Variants in BIN1 observed in about 807,000 individuals in gnomAD.
The protein encoded by BIN1 is myc box-dependent-interacting protein 1.
Under a neutral mutation model 82.0 loss-of-function variants are expected in BIN1, and 53 were observed. That is an observed-to-expected ratio of 0.65 (90% confidence interval 0.52 to 0.81). The LOEUF (loss-of-function observed/expected upper bound fraction) is 0.81. BIN1 is among the 40% of genes least tolerant of loss of function. The pLI is 0.00. For missense variants in BIN1, 642 were observed against 784.4 expected, an observed-to-expected ratio of 0.82 and a Z score of 2.17; for synonymous variants, 302 against 328.0, an observed-to-expected ratio of 0.92 and a Z score of 0.86.
intron 1 of BIN1, among the ~76,000 whole-genome samples, chr2:127,097,217 CA>C (rs1679714978): frequency 6.6e-6 from 1 of 152,220 alleles, no homozygotes; most frequent in African/African-American, 2.4e-5. Context: ...GCCGTGCATA[CA>C]GGGGCGCCCT....
chr2:127,060,551 A>G, intron 10 of BIN1: 1 of 1,613,042 alleles, frequency 6.2e-7, no homozygotes, highest in Non-Finnish European at 8.5e-7. Context: ...AGGGCCAGCC[A>G]GGGCGCGGGC....
intron 2 of BIN1, among the ~76,000 whole-genome samples, chr2:127,073,143 G>A (rs563634604): frequency 2.6e-5 from 4 of 152,222 alleles, no homozygotes; most frequent in Non-Finnish European, 4.4e-5. Flanking sequence ...CACGTGGCAC[G>A]CAGATGTGCA....
At chr2:127,053,398 A>G in intron 14 of BIN1, 24 bp downstream of exon 14, 1 of 1,613,792 alleles carries the variant, frequency 6.2e-7, no homozygotes, top group African/African-American at 1.3e-5. Flanking sequence ...CAGGGGCTGG[A>G]CAAAGAGCAG....
chr2:127,053,756 CAGG>C lies in BIN1; in HGVS notation c.1239+146_1239+148del, dbSNP rs1332352046. The C allele has an allele frequency of 5.0e-6, 4 of 796,744 alleles. No homozygotes were observed. The Admixed American group carries it at 8.7e-5, about 17-fold the overall frequency. 49.4% of individuals were successfully genotyped at this position (796,744 alleles called of 1,614,324 possible). A position where few individuals can be genotyped will look rare whatever the true frequency, so the allele number is the denominator to read the frequency against. Reference sequence around the variant, plus strand: ...CAGGGGCTGCTTCCTGCCCTACAACCAGGAGGTGATGAGGGCTGAAGGCTGAGG... The same window carrying C: ...CAGGGGCTGCTTCCTGCCCTACAACCAGGTGATGAGGGCTGAAGGCTGAGG... On this transcript the variant is annotated intron_variant, in intron 13 of 18. Coordinates refer to ENST00000316724, the MANE Select transcript of BIN1 (RefSeq NM_139343.3).
chr2:127,070,555 C>A lies in BIN1; in HGVS notation c.313G>T (p.Glu105Ter). The stretch of plus-strand genomic sequence containing the variant: ...AGGCCCACCTGTCCCATGCTCACCT[C>A]TGCGATCTTGTTTGCCTCATCCCTG... ...PGRDEANKIA[E>*]NNDLLWMDYH... The change falls in exon 4 of 19, where the codon GAG becomes TAG. Residue 105 changes from glutamate (E) to a stop codon, truncating the protein, a stop_gained and splice_region_variant. Transcript: ENST00000316724. LOFTEE classifies it high-confidence loss of function. The A allele has an allele frequency of 1.2e-6, 2 of 1,614,082 alleles. No individual in the cohort carries two copies. The highest frequency in any genetic ancestry group is 1.7e-6 in the Non-Finnish European group (2 of 1,180,014).
chr2:127,075,129 G>A (rs977530099), intron 2 of BIN1, among the ~76,000 whole-genome samples: 2 of 152,230 alleles, frequency 1.3e-5, no homozygotes, highest in African/African-American at 4.8e-5. Flanking sequence ...AGGCCACAGA[G>A]CCTGGATTTC....
chr2:127,060,696 A>AACTGGC, intron 10 of BIN1: 2 of 1,606,710 alleles, frequency 1.2e-6, no homozygotes, highest in Non-Finnish European at 1.7e-6. Context: ...CCAGGTGCAG[A>AACTGGC]ACTGGCCTGT....
chr2:127,093,203 C>T lies in BIN1; in HGVS notation c.84+13657G>A, dbSNP rs1679165052. Among the ~76,000 whole-genome samples, 1 of 152,140 alleles carries T rather than the reference C, an allele frequency of 6.6e-6. No homozygotes were observed. The highest frequency in any genetic ancestry group is 6.5e-5 in the Admixed American group (1 of 15,286). ...TGTCGGGGCTCAGAACACAGCACCC[C>T]AAAGTGTGGTGCTGTGGCTCACTGC... is the stretch of plus-strand genomic sequence containing the variant. On this transcript the variant is annotated intron_variant, in intron 1 of 18. Transcript: ENST00000316724. This position sits in a 1 kb window ranked among gnomAD's most constrained non-coding sequence, Gnocchi z 5.7.
intron 2 of BIN1, among the ~76,000 whole-genome samples, chr2:127,074,061 G>T (rs1338227520): frequency 2.0e-5 from 3 of 152,046 alleles, no homozygotes; most frequent in African/African-American, 4.8e-5. Context: ...GGGGTGGGAG[G>T]TTCACTTCTT....
At position 127,068,856 on chromosome 2, in the gene BIN1, G is replaced by T; in HGVS notation, c.519+68C>A. On this transcript the variant is annotated intron_variant, in intron 6 of 18. Transcript: ENST00000316724. The surrounding 1 kb of genome is among the most constrained non-coding windows in gnomAD (Gnocchi z 4.9). ...CAGGCAGGAGGAAGCCTCCACCCTC[G>T]GGGTCCTAGACACCCGCCCTCTCTC... 1 of 1,451,994 alleles carries T rather than the reference G, an allele frequency of 6.9e-7. No homozygotes were observed. The highest frequency in any genetic ancestry group is 9.7e-7 in the Non-Finnish European group (1 of 1,036,024). The allele number at this position is 1,451,994 out of a possible 1,614,324, so 89.9% of individuals were successfully genotyped here.
chr2:127,075,646 C>T (rs578179420), intron 2 of BIN1, among the ~76,000 whole-genome samples: 1 of 152,302 alleles, frequency 6.6e-6, no homozygotes, highest in Non-Finnish European at 1.5e-5. Context: ...GGCCTCTCCC[C>T]TCTGCTCCCA....
chr2:127,058,371 G>A (rs72846613), intron 11 of BIN1, among the ~76,000 whole-genome samples: 7 of 152,290 alleles, frequency 4.6e-5, no homozygotes, highest in Non-Finnish European at 1.0e-4. Flanking sequence ...AGAGCAGGGC[G>A]GCAGCAGAAA....
chr2:127,088,741 A>C (rs1558869625), intron 1 of BIN1, among the ~76,000 whole-genome samples: 2 of 123,978 alleles, frequency 1.6e-5, no homozygotes, highest in Non-Finnish European at 3.3e-5. Context: ...CGTATCTCTT[A>C]AAAAAAAAAA....
rs1261397639 is a variant in BIN1, at chr2:127,093,601, G to A, written c.84+13259C>T. Among the ~76,000 whole-genome samples, 2 of 152,154 alleles carry A rather than the reference G, an allele frequency of 1.3e-5. No homozygotes were observed. The highest frequency in any genetic ancestry group is 2.9e-5 in the Non-Finnish European group (2 of 68,030). ...CCGTTGTCCCATCATATGTCTACACGGCTGTCCATTCCTCACCAACTTATG... is the reference window on the plus strand; with the variant it reads ...CCGTTGTCCCATCATATGTCTACACAGCTGTCCATTCCTCACCAACTTATG... On this transcript the variant is annotated intron_variant, in intron 1 of 18. Transcript: ENST00000316724. The surrounding 1 kb of genome is among the most constrained non-coding windows in gnomAD (Gnocchi z 5.7).
In BIN1 at chr2:127,075,987, C is replaced by G. The variant is rs547069094; in HGVS notation, c.165+639G>C. Among the ~76,000 whole-genome samples, 3 of 150,012 alleles carry G rather than the reference C, an allele frequency of 2.0e-5. No individual in the cohort carries two copies. The South Asian group carries it at 6.4e-4, about 32-fold the overall frequency. On this transcript the variant is annotated intron_variant, in intron 2 of 18. Coordinates refer to ENST00000316724, the MANE Select transcript of BIN1 (RefSeq NM_139343.3). ...AGAATGCTCCCAGCTCTCCCAGCTG[C>G]TCCCCAGCCCTCTCCCAAATGCTCC... is the stretch of plus-strand genomic sequence containing the variant.
chr2:127,068,114 C>G lies in BIN1; in HGVS notation c.612+49G>C. ...TCCACCGCAGGGCGAGAGGACAGGA[C>G]GACAGACCGGAAGGCGCCAGCACGT... On this transcript the variant is annotated intron_variant, in intron 7 of 18. Transcript: ENST00000316724. The surrounding 1 kb of genome is among the most constrained non-coding windows in gnomAD (Gnocchi z 4.9). The G allele has an allele frequency of 6.4e-7, 1 of 1,569,696 alleles. No individual in the cohort carries two copies. The highest frequency in any genetic ancestry group is 1.7e-4 in the Middle Eastern group (1 of 6,004).
chr2:127,075,616 C>T (rs1223129597), intron 2 of BIN1, among the ~76,000 whole-genome samples: 1 of 152,086 alleles, frequency 6.6e-6, no homozygotes, highest in Non-Finnish European at 1.5e-5. Flanking sequence ...TCTGGCAAGC[C>T]AAGGCCAACT....
chr2:127,052,277 G>A lies in BIN1; in HGVS notation c.1349C>T (p.Thr450Met), dbSNP rs750715069. The A allele has an allele frequency of 1.3e-5, 20 of 1,579,446 alleles. No homozygotes were observed. Among genetic ancestry groups the A allele is most frequent in the South Asian group, 3.5e-5 (3 of 86,322 alleles). The change falls in exon 15 of 19, where the codon ACG becomes ATG. Residue 450 changes from threonine (T) to methionine (M), a missense_variant. Physicochemically the swap from Thr to Met is moderately conservative, Grantham distance 81 (BLOSUM62 -1). Coordinates refer to ENST00000316724, the MANE Select transcript of BIN1 (RefSeq NM_139343.3). ...GTFAVSWPSQ[T>M]AEPGPAQPAE... The stretch of plus-strand genomic sequence containing the variant: ...TACTTGGGCAGGCCCCGGCTCGGCC[G>A]TCTGGCTGGGCCAGGACACAGCAAA...
At chr2:127,066,375 G>GT (rs1338548914) in intron 7 of BIN1, among the ~76,000 whole-genome samples, 10 of 152,226 alleles carry the variant, frequency 6.6e-5, no homozygotes, top group Non-Finnish European at 1.2e-4. Flanking sequence ...CAGGGTGGGC[G>GT]TGGAGGCAGG....
Sources: allele counts gnomAD v4.1 joint callset (sites outside exome capture counted in the v4.1 genomes callset), GRCh38; gene constraint gnomAD v4.1.1; non-coding constraint Gnocchi (gnomAD v3.1); transcripts MANE v1.5; gene names NCBI Gene and HGNC (gene_info 2026-07-23, HGNC 2026-07-21).